CMIP: variants seen among roughly 807,000 people sequenced by gnomAD.
CMIP encodes c-Maf inducing protein.
A neutral mutation model predicts 97.3 loss-of-function variants in CMIP; 13 were observed. That is an observed-to-expected ratio of 0.13 (90% confidence interval 0.09 to 0.21). CMIP has a LOEUF of 0.21. Among genes scored for constraint, CMIP ranks in the 10% least tolerant of loss-of-function variants. CMIP has a pLI of 1.00. For synonymous variants in CMIP, 538 were observed against 436.3 expected (o/e 1.23, Z -2.91); for missense variants, 847 against 1,024.9 (o/e 0.83, Z 2.37).
At chr16:81,568,478 G>A (rs374715699) in intron 1 of CMIP, among the ~76,000 whole-genome samples, 169 of 152,296 alleles carry the variant, frequency 1.1e-3, no homozygotes, top group Middle Eastern at 6.8e-3. Context: ...CAAGGGCACC[G>A]TGCCTCGGGA....
chr16:81,627,310 C>G lies in CMIP; in HGVS notation c.477+6384C>G, dbSNP rs978729390. Among the ~76,000 whole-genome samples, 2 of 151,928 alleles carry G rather than the reference C, an allele frequency of 1.3e-5. No individual in the cohort carries two copies. The highest frequency in any genetic ancestry group is 1.5e-5 in the Non-Finnish European group (1 of 67,976). ...TGTTTCTTTGGGCCTCAGTTTTCTCCTCTGTGGAATGGGGATGATCATGGC... is the reference window on the plus strand; with the variant it reads ...TGTTTCTTTGGGCCTCAGTTTTCTCGTCTGTGGAATGGGGATGATCATGGC... On this transcript the variant is annotated intron_variant, in intron 3 of 20. Transcript: ENST00000537098. The surrounding 1 kb of genome is among the most constrained non-coding windows in gnomAD (Gnocchi z 4.6).
At chr16:81,569,809 G>A (rs1348902914) in intron 1 of CMIP, among the ~76,000 whole-genome samples, 5 of 152,238 alleles carry the variant, frequency 3.3e-5, no homozygotes, top group East Asian at 1.9e-4. Flanking sequence ...TCTGAGACTC[G>A]GTTTTCTCAT....
At chr16:81,693,077 C>T (rs1906281765) in intron 11 of CMIP, 81 bp from the exon 12 acceptor site, 24 of 1,007,272 alleles carry the variant, frequency 2.4e-5, no homozygotes, top group Non-Finnish European at 3.6e-5. Flanking sequence ...GTCTAGACGT[C>T]CCCAGAGGTT....
chr16:81,480,246 AT>A lies in CMIP; in HGVS notation c.300+34706del, dbSNP rs1198340395. ...CTTACCCAAGCTCTCTCAGCTTCAA[AT>A]CTCCATCTGAGGCCAGGCGTGGTGG... On this transcript the variant is annotated intron_variant, in intron 1 of 20. Coordinates refer to ENST00000537098, the MANE Select transcript of CMIP (RefSeq NM_198390.3). 2.6e-5 allele frequency among the ~76,000 whole-genome samples: 4 copies of A among 152,150 alleles called. No homozygotes were observed. In the East Asian group the frequency reaches 7.7e-4, roughly 29 times the overall value.
At chr16:81,610,552 C>T in intron 2 of CMIP, 1 of 985,160 alleles carries the variant, frequency 1.0e-6, no homozygotes, top group Non-Finnish European at 1.2e-6. Flanking sequence ...TGGGTGCAGC[C>T]CCTGCCCCTG....
At chr16:81,486,367 C>T (rs923610416) in intron 1 of CMIP, among the ~76,000 whole-genome samples, 6 of 152,206 alleles carry the variant, frequency 3.9e-5, no homozygotes, top group South Asian at 2.1e-4. Flanking sequence ...GATATGATCG[C>T]GCCCATTTGA....
Position 81,686,206 on chromosome 16 carries a change from C to G in CMIP, c.1389-5569C>G, listed in dbSNP as rs529520334. 2.0e-5 allele frequency among the ~76,000 whole-genome samples: 3 copies of G among 152,332 alleles called. No homozygotes were observed. In the South Asian group the frequency reaches 6.2e-4, roughly 32 times the overall value. Reference sequence around the variant, plus strand: ...AACTGCATTTCCATTTTCTGGAAACCATGAGTCAGGGACAGGTGGGAGGAA... The same window carrying G: ...AACTGCATTTCCATTTTCTGGAAACGATGAGTCAGGGACAGGTGGGAGGAA... On this transcript the variant is annotated intron_variant, in intron 10 of 20. Coordinates refer to ENST00000537098, the MANE Select transcript of CMIP (RefSeq NM_198390.3).
At chr16:81,663,751 T>C (rs1275052477) in intron 6 of CMIP, among the ~76,000 whole-genome samples, 2 of 152,060 alleles carry the variant, frequency 1.3e-5, no homozygotes, top group South Asian at 2.1e-4. Context: ...TGTCCACCAA[T>C]GAGACCAGCT....
At chr16:81,455,903 C>A (rs889077871) in intron 1 of CMIP, among the ~76,000 whole-genome samples, 2 of 152,210 alleles carry the variant, frequency 1.3e-5, no homozygotes, top group African/African-American at 4.8e-5. Flanking sequence ...CAGGCTGGAC[C>A]TCAGGGCCAG....
At chr16:81,575,220 G>T (rs2091168059) in intron 1 of CMIP, among the ~76,000 whole-genome samples, 1 of 152,202 alleles carries the variant, frequency 6.6e-6, no homozygotes. Context: ...GGAAACTGAG[G>T]CACAGGAGAA....
intron 1 of CMIP, among the ~76,000 whole-genome samples, chr16:81,604,908 G>C (rs949977802): frequency 1.3e-5 from 2 of 152,128 alleles, no homozygotes; most frequent in African/African-American, 4.8e-5. Context: ...TTGTAAGATA[G>C]TCATTAATTT....
At chr16:81,561,885 A>G (rs2090890848) in intron 1 of CMIP, among the ~76,000 whole-genome samples, 1 of 152,150 alleles carries the variant, frequency 6.6e-6, no homozygotes, top group South Asian at 2.1e-4. Context: ...ACCATCCCAG[A>G]CTTCTTCTTG....
intron 3 of CMIP, among the ~76,000 whole-genome samples, chr16:81,651,607 G>A (rs1019724172): frequency 7.9e-5 from 12 of 152,326 alleles, no homozygotes; most frequent in South Asian, 4.1e-4. Flanking sequence ...TGACATAGGC[G>A]GAAACAGTGC....
Position 81,679,560 on chromosome 16 carries a change from G to A in CMIP, c.1388+932G>A, listed in dbSNP as rs528347659. On this transcript the variant is annotated intron_variant, in intron 10 of 20. Transcript: ENST00000537098. ...GTGAGTCTGTCTTGGGTATGTGGCT[G>A]TGCGTATTTGTGCCGTGTGCCTGGG... 1.3e-4 allele frequency among the ~76,000 whole-genome samples: 20 copies of A among 152,130 alleles called. 1 individual carries two copies. The East Asian group carries it at 3.3e-3, about 25-fold the overall frequency.
At chr16:81,609,572 G>A (rs966662643) in intron 2 of CMIP, among the ~76,000 whole-genome samples, 4 of 152,222 alleles carry the variant, frequency 2.6e-5, no homozygotes, top group Non-Finnish European at 5.9e-5. Flanking sequence ...AAATGATTAC[G>A]GAAATAATGG....
At chr16:81,596,861 C>T (rs894142177) in intron 1 of CMIP, among the ~76,000 whole-genome samples, 12 of 152,214 alleles carry the variant, frequency 7.9e-5, no homozygotes, top group Non-Finnish European at 1.6e-4. Flanking sequence ...GACTCAGGTG[C>T]ACCTCTTTCT....
intron 10 of CMIP, among the ~76,000 whole-genome samples, chr16:81,682,184 A>G (rs1181017369): frequency 6.6e-6 from 1 of 152,012 alleles, no homozygotes; most frequent in Non-Finnish European, 1.5e-5. Flanking sequence ...AAGCTGGGTG[A>G]CAGAGCAAGA....
intron 1 of CMIP, among the ~76,000 whole-genome samples, chr16:81,534,342 T>C (rs906467945): frequency 6.6e-6 from 1 of 152,256 alleles, no homozygotes; most frequent in African/African-American, 2.4e-5. Flanking sequence ...GCAAGTTGTT[T>C]ATATTCTTTG....
intron 1 of CMIP, among the ~76,000 whole-genome samples, chr16:81,569,604 G>A (rs1279862741): frequency 6.6e-6 from 1 of 152,244 alleles, no homozygotes; most frequent in Non-Finnish European, 1.5e-5. Context: ...CTTTCTGACA[G>A]GTGCCGGGGA....
Sources: allele counts gnomAD v4.1 joint callset (sites outside exome capture counted in the v4.1 genomes callset), GRCh38; gene constraint gnomAD v4.1.1; non-coding constraint Gnocchi (gnomAD v3.1); transcripts MANE v1.5; gene names NCBI Gene and HGNC (gene_info 2026-07-23, HGNC 2026-07-21).